The following AQP11 variants were observed in gnomAD, a reference collection of about 807,000 sequenced individuals.
AQP11 encodes the protein aquaporin-11.
A neutral mutation model predicts 21.1 loss-of-function variants in AQP11; 20 were observed. The observed-to-expected ratio is 0.95, with a 90% CI of 0.67 to 1.38. The LOEUF is 1.38. Among genes scored for constraint, AQP11 ranks in the 40% most tolerant of loss-of-function variants. The pLI is 0.00. For synonymous variants in AQP11, 167 were observed against 150.1 expected (o/e 1.11, Z -0.82); for missense variants, 339 against 340.4 (o/e 1.00, Z 0.03).
chr11:77,597,004 G>A (rs969923492), intron 1 of AQP11, among the ~76,000 whole-genome samples: 1 of 152,028 alleles, frequency 6.6e-6, no homozygotes, highest in East Asian at 1.9e-4. Context: ...CATACACGAA[G>A]TACTTGGGAA....
At chr11:77,599,822 C>A (rs1958805043) in intron 1 of AQP11, among the ~76,000 whole-genome samples, 1 of 149,468 alleles carries the variant, frequency 6.7e-6, no homozygotes, top group Non-Finnish European at 1.5e-5. Flanking sequence ...CTGGACTCAA[C>A]CAATCCGCCC....
intron 1 of AQP11, among the ~76,000 whole-genome samples, chr11:77,594,583 T>C (rs1958767551): frequency 6.6e-6 from 1 of 152,240 alleles, no homozygotes; most frequent in South Asian, 2.1e-4. Context: ...TATTATGATA[T>C]GTCTTTTTTA....
intron 1 of AQP11, among the ~76,000 whole-genome samples, chr11:77,596,482 G>A (rs149968099): frequency 0.016 from 1,659 of 104,166 alleles, 65 homozygotes; most frequent in African/African-American, 0.061. Context: ...AAATATATAT[G>A]TGTAAATATA....
At chr11:77,596,562 A>ATATATATATATATATATATATG (rs1958784414) in intron 1 of AQP11, among the ~76,000 whole-genome samples, 1 of 133,410 alleles carries the variant, frequency 7.5e-6, no homozygotes, top group Non-Finnish European at 1.6e-5. Flanking sequence ...ATATATATAT[A>ATATATATATATATATATATATG]TGTATGTAAT....
At chr11:77,608,331 A>C (rs1054033902) in intron 2 of AQP11, among the ~76,000 whole-genome samples, 3 of 152,196 alleles carry the variant, frequency 2.0e-5, no homozygotes, top group Admixed American at 2.0e-4. Flanking sequence ...TGAATTTTCA[A>C]AACATTTTGG....
At chr11:77,601,103 T>G (rs1565118794) in intron 1 of AQP11, among the ~76,000 whole-genome samples, 1 of 152,076 alleles carries the variant, frequency 6.6e-6, no homozygotes, top group Non-Finnish European at 1.5e-5. Flanking sequence ...GGGACAGTTT[T>G]CCCCCCAGGG....
chr11:77,591,735 A>G (rs887056616), intron 1 of AQP11, among the ~76,000 whole-genome samples: 8 of 152,078 alleles, frequency 5.3e-5, no homozygotes, highest in Admixed American at 1.3e-4. Flanking sequence ...TTAGCCAGGC[A>G]TGGTGGTGGG....
chr11:77,603,614 G>GTGTT lies in AQP11; in HGVS notation c.680_683dup (p.Phe228LeufsTer3). ...CTTTGGCACTTTCGCTACATTTCAT[G>GTGTT]TGTTTTGATGAAGCATTCCCTCAGT... On this transcript the variant is annotated frameshift_variant, in exon 2 of 3. Coordinates refer to ENST00000313578, the MANE Select transcript of AQP11 (RefSeq NM_173039.3). LOFTEE classifies it high-confidence loss of function. 1 of 1,609,724 alleles carries GTGTT rather than the reference G, an allele frequency of 6.2e-7. No homozygotes were observed. The highest frequency in any genetic ancestry group is 8.5e-7 in the Non-Finnish European group (1 of 1,178,342).
rs1470964820 is a variant in AQP11, at chr11:77,590,321, G to A, written c.329G>A (p.Gly110Glu). 4 of 1,609,912 alleles carry A rather than the reference G, an allele frequency of 2.5e-6. No individual in the cohort carries two copies. Among genetic ancestry groups the A allele is most frequent in the Non-Finnish European group, 3.4e-6 (4 of 1,177,080 alleles). ...GGCGTGATGATGCAGATGATGCTGG[G>A]GGGCATGTCCCCCGAGACGGGTGCG... Reference protein sequence around the residue: ...PCGVMMQMMLGGMSPETGAVR... With the variant: ...PCGVMMQMMLEGMSPETGAVR... The change falls in exon 1 of 3, where the codon GGG becomes GAG. Residue 110 changes from glycine (G) to glutamate (E), a missense_variant. Transcript: ENST00000313578.
chr11:77,595,853 G>A (rs1958775311), intron 1 of AQP11, among the ~76,000 whole-genome samples: 1 of 151,972 alleles, frequency 6.6e-6, no homozygotes, highest in Non-Finnish European at 1.5e-5. Context: ...CCCGGGAGGT[G>A]GAGGTGGGAG....
At chr11:77,601,257 T>C (rs1181065548) in intron 1 of AQP11, among the ~76,000 whole-genome samples, 1 of 152,120 alleles carries the variant, frequency 6.6e-6, no homozygotes, top group Non-Finnish European at 1.5e-5. Context: ...GCCAATGCCA[T>C]GTTTTTAGTT....
chr11:77,593,847 C>T (rs1565116711), intron 1 of AQP11, among the ~76,000 whole-genome samples: 1 of 151,992 alleles, frequency 6.6e-6, no homozygotes, highest in African/African-American at 2.4e-5. Flanking sequence ...CAAAAGTTAA[C>T]AAAACTATAC....
chr11:77,603,695 T>C (rs1382020202), intron 2 of AQP11, 23 bp downstream of exon 2: 1 of 1,490,546 alleles, frequency 6.7e-7, no homozygotes, highest in Non-Finnish European at 9.2e-7. Flanking sequence ...TTATTTAATA[T>C]GTCTGAAAGA....
chr11:77,590,577 G>A lies in AQP11; in HGVS notation c.585G>A (p.Leu195=), dbSNP rs1958741604. The change falls in exon 1 of 3, where the codon CTG becomes CTA. Residue 195 remains leucine (L), a synonymous_variant. Coordinates refer to ENST00000313578, the MANE Select transcript of AQP11 (RefSeq NM_173039.3). The part of the protein sequence containing the change: ...QEVRTKLRIH[L]LAALITFLVY... ...TCCGAACCAAGCTTCGTATCCACCT[G>A]CTGGCTGCACTCATCACCTTTTTGG... The A allele has an allele frequency of 5.6e-6, 9 of 1,613,986 alleles. No individual in the cohort carries two copies. In the East Asian group the frequency reaches 1.6e-4, roughly 28 times the overall value.
chr11:77,601,073 G>A (rs1271920317), intron 1 of AQP11, among the ~76,000 whole-genome samples: 1 of 151,984 alleles, frequency 6.6e-6, no homozygotes, highest in African/African-American at 2.4e-5. Context: ...TGTTTCTCTA[G>A]GACAGTAATT....
chr11:77,609,397 TAACA>T lies in AQP11; in HGVS notation c.*21_*24del, dbSNP rs759751529. ...GAATAACTGTTCCAAAGACTCAGACTAACATACAGGACAGTCCAGCTGGATGTGA... is the reference window on the plus strand; with the variant it reads ...GAATAACTGTTCCAAAGACTCAGACTTACAGGACAGTCCAGCTGGATGTGA... On this transcript the variant is annotated 3_prime_UTR_variant, in exon 3 of 3. Coordinates refer to ENST00000313578, the MANE Select transcript of AQP11 (RefSeq NM_173039.3). 5 of 1,586,126 alleles carry T rather than the reference TAACA, an allele frequency of 3.2e-6. No individual in the cohort carries two copies. The East Asian group carries it at 9.0e-5, about 28-fold the overall frequency.
At chr11:77,594,999 A>G (rs1272186448) in intron 1 of AQP11, among the ~76,000 whole-genome samples, 1 of 152,188 alleles carries the variant, frequency 6.6e-6, no homozygotes, top group African/African-American at 2.4e-5. Context: ...TAGTTCAATG[A>G]ACAGTTTGAG....
chr11:77,596,546 ATATATATATATATATATG>A (rs1401943340), intron 1 of AQP11, among the ~76,000 whole-genome samples: 10 of 123,670 alleles, frequency 8.1e-5, no homozygotes, highest in African/African-American at 3.0e-4. Flanking sequence ...AAATATATAT[ATATATATATATATATATG>A]TATGTAATGG....
intron 1 of AQP11, among the ~76,000 whole-genome samples, chr11:77,596,525 AATATATATGTAAATATATATAT>A (rs1361763792): frequency 1.1e-5 from 1 of 87,252 alleles, no homozygotes; most frequent in Non-Finnish European, 2.4e-5. Context: ...TATATATGTA[AATATATATGTAAATATATATAT>A]ATATATATAT....
Sources: allele counts gnomAD v4.1 joint callset (sites outside exome capture counted in the v4.1 genomes callset), GRCh38; gene constraint gnomAD v4.1.1; transcripts MANE v1.5; gene names NCBI Gene and HGNC (gene_info 2026-07-23, HGNC 2026-07-21).